LRIG1: variants seen among roughly 807,000 people sequenced by gnomAD.
LRIG1 encodes the protein leucine-rich repeats and immunoglobulin-like domains protein 1.
A neutral mutation model predicts 99.2 loss-of-function variants in LRIG1; 48 were observed. The ratio of observed to expected loss-of-function variants is 0.48; its 90% CI spans 0.38 to 0.62. The LOEUF (loss-of-function observed/expected upper bound fraction) is 0.62, where lower values mean the gene tolerates loss of function less well. Ranked by LOEUF, LRIG1 falls within the 20% of genes least tolerant of loss-of-function variation. The pLI, the probability that LRIG1 is intolerant of heterozygous loss-of-function variation, is 0.00. For missense variants in LRIG1, 1,646 were observed against 1,434.4 expected (o/e 1.15, Z -2.38); for synonymous variants, 772 against 596.1 (o/e 1.29, Z -4.30).
At chr3:66,417,326 C>A in intron 3 of LRIG1, 60 bp from the exon 4 acceptor site, 1 of 1,558,804 alleles carries the variant, frequency 6.4e-7, no homozygotes, top group Non-Finnish European at 8.8e-7. Flanking sequence ...CTACAAGAAA[C>A]TAGTATTCCT....
At chr3:66,480,698 T>G (rs1261678983) in intron 1 of LRIG1, among the ~76,000 whole-genome samples, 1 of 152,210 alleles carries the variant, frequency 6.6e-6, no homozygotes, top group Non-Finnish European at 1.5e-5. Flanking sequence ...GTCCATCAGA[T>G]GCAGAAAACC....
intron 3 of LRIG1, among the ~76,000 whole-genome samples, chr3:66,419,166 A>T (rs543056797): frequency 5.4e-4 from 83 of 152,330 alleles, no homozygotes; most frequent in African/African-American, 1.9e-3. Context: ...CGGCCCAGAA[A>T]GGCACAAAGA....
At chr3:66,493,769 G>A (rs1056602358) in intron 1 of LRIG1, among the ~76,000 whole-genome samples, 5 of 151,140 alleles carry the variant, frequency 3.3e-5, no homozygotes, top group Non-Finnish European at 7.4e-5. Flanking sequence ...GCACTCCAGC[G>A]TGGGCAACAG....
intron 3 of LRIG1, among the ~76,000 whole-genome samples, chr3:66,442,448 G>GGGA (rs138317719): frequency 0.013 from 1,943 of 151,640 alleles, 14 homozygotes; most frequent in African/African-American, 0.03. Flanking sequence ...AGTGAGGAGG[G>GGGA]GGAGGAGGAG....
intron 9 of LRIG1, among the ~76,000 whole-genome samples, chr3:66,403,767 G>A (rs34080181): frequency 0.31 from 46,479 of 152,090 alleles, 7,743 homozygotes; most frequent in Middle Eastern, 0.41. Context: ...AGGTTCCTCC[G>A]GACTGACACG....
rs575510262 is a variant in LRIG1 at position 66,417,230 on chromosome 3, C to T, written c.402G>A (p.Gln134=). The stretch of plus-strand genomic sequence containing the variant: ...CTTCTAAGGAAAGGTAGGCCTTCAG[C>T]TGGCTCCCCTCCACGCTGCGAATCT... The part of the protein sequence containing the change: ...HNKIRSVEGS[Q]LKAYLSLEVL... The change falls in exon 4 of 19, where the codon CAG becomes CAA. Residue 134 remains glutamine (Q), a synonymous_variant. Coordinates refer to ENST00000273261, the MANE Select transcript of LRIG1 (RefSeq NM_015541.3). The T allele has an allele frequency of 3.3e-4, 526 of 1,614,182 alleles. 6 individuals are homozygous for T. The South Asian group carries it at 5.5e-3, about 17-fold the overall frequency.
intron 1 of LRIG1, among the ~76,000 whole-genome samples, chr3:66,484,971 T>C (rs1036653175): frequency 1.3e-5 from 2 of 151,798 alleles, no homozygotes; most frequent in Non-Finnish European, 2.9e-5. Flanking sequence ...CTAGGCAACA[T>C]GATGAAACCC....
chr3:66,418,964 T>C (rs191812014), intron 3 of LRIG1, among the ~76,000 whole-genome samples: 1 of 152,292 alleles, frequency 6.6e-6, no homozygotes, highest in East Asian at 1.9e-4. Flanking sequence ...TATTAAGTTC[T>C]TTAATAAAGA....
intron 3 of LRIG1, among the ~76,000 whole-genome samples, chr3:66,432,201 C>G (rs532552123): frequency 8.0e-4 from 122 of 152,266 alleles, no homozygotes; most frequent in Non-Finnish European, 1.5e-3. Flanking sequence ...ACAGAACCTC[C>G]TCCTGAACCC....
At chr3:66,450,750 A>G (rs1245684347) in intron 3 of LRIG1, among the ~76,000 whole-genome samples, 1 of 152,236 alleles carries the variant, frequency 6.6e-6, no homozygotes, top group Non-Finnish European at 1.5e-5. Context: ...AAATTAAACT[A>G]TGAAAGCCTG....
chr3:66,430,790 C>T lies in LRIG1; in HGVS notation c.366-13524G>A, dbSNP rs114411294. Among the ~76,000 whole-genome samples the T allele has an allele frequency of 4.4e-3, 677 of 152,290 alleles. 8 individuals are homozygous for T. The highest frequency in any genetic ancestry group is 0.015 in the African/African-American group (637 of 41,554). On this transcript the variant is annotated intron_variant, in intron 3 of 18. Coordinates refer to ENST00000273261, the MANE Select transcript of LRIG1 (RefSeq NM_015541.3). ...ACAATGAGCCACTTCCACCAGAATT[C>T]CCAGCCACATATGCCCACCTCTGGG...
intron 16 of LRIG1, among the ~76,000 whole-genome samples, chr3:66,381,890 G>C (rs1701092643): frequency 6.6e-6 from 1 of 152,154 alleles, no homozygotes; most frequent in Non-Finnish European, 1.5e-5. Context: ...ACCGTTGGAA[G>C]TACCTCATCC....
In LRIG1 at chr3:66,379,131, ATTTAAGTTTTAC is replaced by A. The variant is rs1437615239; in HGVS notation, c.*1120_*1131del. 1 of 152,552 alleles carries A rather than the reference ATTTAAGTTTTAC, an allele frequency of 6.6e-6. No homozygotes were observed. Among genetic ancestry groups the A allele is most frequent in the African/African-American group, 2.4e-5 (1 of 41,396 alleles). 9.4% of individuals were successfully genotyped at this position (152,552 alleles called of 1,614,324 possible). A position where few individuals can be genotyped will look rare whatever the true frequency, so the allele number is the denominator to read the frequency against. On this transcript the variant is annotated 3_prime_UTR_variant, in exon 19 of 19. Transcript: ENST00000273261. ...GGAACATTTGAAGGACCTTGTTTCT[ATTTAAGTTTTAC>A]TAAATGACACATTGGCACTCATAAG... is the stretch of plus-strand genomic sequence containing the variant.
At chr3:66,485,151 C>T (rs1469437657) in intron 1 of LRIG1, among the ~76,000 whole-genome samples, 7 of 87,110 alleles carry the variant, frequency 8.0e-5, no homozygotes, top group Non-Finnish European at 1.9e-4. Context: ...GATTAAGACC[C>T]TCTCAAAAAA....
At chr3:66,446,927 G>T (rs1703748730) in intron 3 of LRIG1, among the ~76,000 whole-genome samples, 1 of 145,576 alleles carries the variant, frequency 6.9e-6, no homozygotes, top group Admixed American at 7.1e-5. Context: ...GACTGTTGAA[G>T]GAGTATGGGG....
Position 66,384,157 on chromosome 3 carries a change from A to T in LRIG1, c.1905T>A (p.Asp635Glu). ...HPNPQIAWQK[D>E]GGTDFPAARE... The stretch of plus-strand genomic sequence containing the variant: ...GGGCAGCGGGGAAATCCGTGCCTCC[A>T]TCCTTCTGCCAGGCAATCTGAGGGT... Residue 635 changes from aspartate to glutamate, a missense_variant, in exon 14 of 19, where the codon GAT becomes GAA. Asp to Glu is a conservative substitution (Grantham distance 45). Coordinates refer to ENST00000273261, the MANE Select transcript of LRIG1 (RefSeq NM_015541.3). 1 of 1,614,184 alleles carries T rather than the reference A, an allele frequency of 6.2e-7. No homozygotes were observed. The highest frequency in any genetic ancestry group is 8.5e-7 in the Non-Finnish European group (1 of 1,180,024).
At chr3:66,433,023 A>C (rs1703228275) in intron 3 of LRIG1, among the ~76,000 whole-genome samples, 1 of 152,150 alleles carries the variant, frequency 6.6e-6, no homozygotes, top group South Asian at 2.1e-4. Flanking sequence ...GACCACCTCT[A>C]TTTATATTTA....
intron 12 of LRIG1, chr3:66,386,587 C>G (rs1183338422): frequency 8.1e-6 from 3 of 369,916 alleles, no homozygotes; most frequent in Non-Finnish European, 1.5e-5. Context: ...CGGCAGTTTC[C>G]TTAAGACAAC....
At chr3:66,420,222 T>C (rs956453611) in intron 3 of LRIG1, among the ~76,000 whole-genome samples, 2 of 152,042 alleles carry the variant, frequency 1.3e-5, no homozygotes, top group East Asian at 1.9e-4. Flanking sequence ...ATTAGGGAAA[T>C]GTAAACCACA....
Sources: gnomAD v4.1 joint callset for allele counts (sites outside exome capture counted in the v4.1 genomes callset) on GRCh38, gnomAD v4.1.1 for gene constraint, MANE v1.5 for transcripts, NCBI Gene and HGNC (gene_info 2026-07-23, HGNC 2026-07-21) for gene names.